The following SYNJ1 variants were observed in gnomAD, a reference collection of about 807,000 sequenced individuals.
SYNJ1 encodes the protein polyphosphatidylinositol phosphatase SYNJ1.
In SYNJ1, 78 loss-of-function variants were observed where a neutral mutation model predicts 168.2. The ratio of observed to expected loss-of-function variants is 0.46; its 90% CI spans 0.39 to 0.56. The LOEUF (loss-of-function observed/expected upper bound fraction) is 0.56, where lower values mean the gene tolerates loss of function less well. Ranked by LOEUF, SYNJ1 falls within the 20% of genes least tolerant of loss-of-function variation. The probability of loss-of-function intolerance (pLI) is 0.00; values close to 1 mark genes in which losing one functional copy is unlikely to be tolerated. For synonymous variants in SYNJ1, 539 were observed against 548.6 expected, an observed-to-expected ratio of 0.98 and a Z score of 0.24; for missense variants, 1,303 against 1,597.6, an observed-to-expected ratio of 0.82 and a Z score of 3.14.
At chr21:32,661,288 C>T (rs573159212) in intron 18 of SYNJ1, among the ~76,000 whole-genome samples, 29 of 152,294 alleles carry the variant, frequency 1.9e-4, no homozygotes, top group African/African-American at 4.1e-4. Flanking sequence ...TTGCTGACAG[C>T]GCAATGTGAG....
chr21:32,709,222 A>C (rs1435197500), intron 2 of SYNJ1, among the ~76,000 whole-genome samples: 1 of 152,104 alleles, frequency 6.6e-6, no homozygotes, highest in Non-Finnish European at 1.5e-5. Context: ...ACAGTGGCTC[A>C]CACCTATAAT....
chr21:32,638,497 G>T (rs1326527190), intron 31 of SYNJ1, among the ~76,000 whole-genome samples: 1 of 152,164 alleles, frequency 6.6e-6, no homozygotes, highest in Admixed American at 6.5e-5. Flanking sequence ...AGGAGTTCAA[G>T]ACCAGCCTGG....
At chr21:32,632,241 G>A (rs1266305900) in intron 32 of SYNJ1, among the ~76,000 whole-genome samples, 3 of 152,134 alleles carry the variant, frequency 2.0e-5, no homozygotes, top group African/African-American at 7.2e-5. Flanking sequence ...TCTTTTAAGT[G>A]TGTTTTCTAA....
At chr21:32,705,365 A>G (rs2042570047) in intron 2 of SYNJ1, among the ~76,000 whole-genome samples, 1 of 152,118 alleles carries the variant, frequency 6.6e-6, no homozygotes, top group Non-Finnish European at 1.5e-5. Context: ...TCTCCACTAA[A>G]AGGAACTACT....
At chr21:32,638,554 G>A (rs368257133) in intron 31 of SYNJ1, among the ~76,000 whole-genome samples, 8 of 151,976 alleles carry the variant, frequency 5.3e-5, no homozygotes, top group Non-Finnish European at 1.0e-4. Context: ...AAAATTAGCC[G>A]GGCATGGTGG....
At chr21:32,638,202 A>G (rs571187141) in intron 31 of SYNJ1, among the ~76,000 whole-genome samples, 10 of 152,262 alleles carry the variant, frequency 6.6e-5, no homozygotes, top group Non-Finnish European at 4.4e-5. Context: ...CCAAGTAGCC[A>G]GGACCACAGG....
chr21:32,661,378 A>G (rs2040695501), intron 18 of SYNJ1, among the ~76,000 whole-genome samples: 1 of 152,220 alleles, frequency 6.6e-6, no homozygotes, highest in South Asian at 2.1e-4. Flanking sequence ...TTTCACAGAA[A>G]TGCCAAAATG....
At chr21:32,650,420 C>T (rs1359656801) in intron 22 of SYNJ1, 74 bp from the exon 23 acceptor site, 5 of 1,357,240 alleles carry the variant, frequency 3.7e-6, no homozygotes, top group East Asian at 2.3e-5. Context: ...AGGCTGACTT[C>T]GTTAAACTAT....
intron 31 of SYNJ1, among the ~76,000 whole-genome samples, chr21:32,636,193 A>G (rs548993207): frequency 6.6e-6 from 1 of 152,314 alleles, no homozygotes; most frequent in South Asian, 2.1e-4. Flanking sequence ...TCTCACAGTA[A>G]CAGTATAGCA....
intron 12 of SYNJ1, among the ~76,000 whole-genome samples, chr21:32,676,988 G>C (rs1001191889): frequency 3.9e-5 from 6 of 152,168 alleles, no homozygotes; most frequent in African/African-American, 1.4e-4. Flanking sequence ...GTTATGAAAT[G>C]CATGAATATA....
intron 2 of SYNJ1, among the ~76,000 whole-genome samples, chr21:32,714,861 C>T (rs528493646): frequency 6.6e-6 from 1 of 152,220 alleles, no homozygotes; most frequent in African/African-American, 2.4e-5. Flanking sequence ...TACACAAACA[C>T]TCAATCCGGT....
chr21:32,671,581 A>AG (rs2145966004), intron 14 of SYNJ1, among the ~76,000 whole-genome samples: 1 of 152,352 alleles, frequency 6.6e-6, no homozygotes, highest in African/African-American at 2.4e-5. Flanking sequence ...AAACATGGGC[A>AG]GGTTCCTTCC....
chr21:32,684,089 G>A lies in SYNJ1; in HGVS notation c.1149C>T (p.Cys383=). ...TATTTGTTCTATCAAGACAATCCAAGCAGTTTGTTCGAACTGTACCACTCT... is the reference window on the plus strand; with the variant it reads ...TATTTGTTCTATCAAGACAATCCAAACAGTTTGTTCGAACTGTACCACTCT... ...RCQSGTVRTN[C]LDCLDRTNSV... is the part of the protein sequence containing the mutation. Residue 383 remains cysteine, a synonymous_variant, in exon 10 of 33, where the codon TGC becomes TGT. Transcript: ENST00000674351. The A allele has an allele frequency of 6.2e-7, 1 of 1,613,628 alleles. No individual in the cohort carries two copies. The highest frequency in any genetic ancestry group is 1.7e-5 in the Admixed American group (1 of 60,018).
At chr21:32,678,954 T>A in intron 11 of SYNJ1, 153 bp from the exon 12 acceptor site, 1 of 983,506 alleles carries the variant, frequency 1.0e-6, no homozygotes, top group Non-Finnish European at 1.4e-6. Flanking sequence ...TCATGACAAT[T>A]AAAATGCCTC....
chr21:32,690,208 T>A (rs2146124352), intron 6 of SYNJ1, among the ~76,000 whole-genome samples: 1 of 152,184 alleles, frequency 6.6e-6, no homozygotes, highest in East Asian at 1.9e-4. Context: ...TAGATTAGAT[T>A]TCTGTTTTTG....
chr21:32,724,986 A>T (rs955275610), intron 2 of SYNJ1, among the ~76,000 whole-genome samples: 4 of 152,248 alleles, frequency 2.6e-5, no homozygotes, highest in African/African-American at 9.6e-5. Flanking sequence ...ATTAATGCCA[A>T]AATAAATGTT....
intron 2 of SYNJ1, among the ~76,000 whole-genome samples, chr21:32,710,046 T>C (rs1033408651): frequency 6.6e-6 from 1 of 151,392 alleles, no homozygotes; most frequent in Non-Finnish European, 1.5e-5. Flanking sequence ...CTACAAAAAA[T>C]ACAAAAATTA....
intron 14 of SYNJ1, among the ~76,000 whole-genome samples, chr21:32,673,027 AG>A (rs1979054471): frequency 6.6e-6 from 1 of 152,216 alleles, no homozygotes; most frequent in Non-Finnish European, 1.5e-5. Context: ...AAACAAAACT[AG>A]ATTTTCTTAT....
intron 2 of SYNJ1, among the ~76,000 whole-genome samples, chr21:32,715,100 A>G (rs2042974321): frequency 6.6e-6 from 1 of 152,236 alleles, no homozygotes; most frequent in Non-Finnish European, 1.5e-5. Context: ...AATGCTAACC[A>G]AGGAAAGACA....
Sources: allele counts gnomAD v4.1 joint callset (sites outside exome capture counted in the v4.1 genomes callset), GRCh38; gene constraint gnomAD v4.1.1; transcripts MANE v1.5; gene names NCBI Gene and HGNC (gene_info 2026-07-23, HGNC 2026-07-21).